Variants in CFAP221 observed in about 807,000 individuals in gnomAD.
CFAP221 encodes the protein cilia and flagella associated protein 221.
In CFAP221, 97 loss-of-function variants were observed where a neutral mutation model predicts 113.1. That is an observed-to-expected ratio of 0.86 (90% CI 0.73 to 1.02). The LOEUF is 1.02. Ranked by LOEUF, CFAP221 falls within the 50% of genes least tolerant of loss-of-function variation. The pLI, the probability that CFAP221 is intolerant of heterozygous loss-of-function variation, is 0.00. For missense variants in CFAP221, 1,025 were observed against 1,013.4 expected (o/e 1.01, Z -0.16); for synonymous variants, 331 against 354.4 (o/e 0.93, Z 0.74).
intron 21 of CFAP221, among the ~76,000 whole-genome samples, chr2:119,640,228 GAAA>G: frequency 6.7e-6 from 1 of 149,598 alleles, no homozygotes; most frequent in Admixed American, 6.6e-5. Context: ...AAAAAAAAAG[GAAA>G]AAAAATCATA....
chr2:119,553,410 C>A (rs1427570822), intron 3 of CFAP221, among the ~76,000 whole-genome samples: 1 of 152,032 alleles, frequency 6.6e-6, no homozygotes, highest in Non-Finnish European at 1.5e-5. Flanking sequence ...ACGTAAGGAA[C>A]GTGCATGTGA....
chr2:119,571,436 G>A (rs770700525), intron 6 of CFAP221, among the ~76,000 whole-genome samples: 8 of 146,716 alleles, frequency 5.5e-5, no homozygotes, highest in Non-Finnish European at 9.0e-5. Flanking sequence ...CACCACGCCC[G>A]GCCAACAACC....
chr2:119,577,830 A>G (rs1268947651), intron 6 of CFAP221, among the ~76,000 whole-genome samples: 2 of 152,232 alleles, frequency 1.3e-5, no homozygotes, highest in Admixed American at 1.3e-4. Context: ...TGAAGCAGGA[A>G]AGAGAATGTT....
intron 5 of CFAP221, among the ~76,000 whole-genome samples, chr2:119,560,714 CT>C (rs998628764): frequency 2.0e-5 from 3 of 152,124 alleles, no homozygotes; most frequent in African/African-American, 7.2e-5. Context: ...TGAGTTTCTA[CT>C]TTTTTTCTTT....
rs755105374 is a variant in CFAP221, at chr2:119,639,915, A to G, written c.2225+43A>G. The G allele has an allele frequency of 3.9e-5, 59 of 1,501,494 alleles. 1 individual carries two copies. The highest frequency in any genetic ancestry group is 3.2e-4 in the Admixed American group (19 of 59,510). The allele number at this position is 1,501,494 out of a possible 1,614,324, so 93.0% of individuals were successfully genotyped here. A position where few individuals can be genotyped will look rare whatever the true frequency, so the allele number is the denominator to read the frequency against. On this transcript the variant is annotated intron_variant, in intron 21 of 23. Coordinates refer to ENST00000413369, the MANE Select transcript of CFAP221 (RefSeq NM_001271049.2). ...GTTTGCTCACGAGTATGTGTGCCCCATGTATTACAGAGGCAATGATCCCCA... is the reference window on the plus strand; with the variant it reads ...GTTTGCTCACGAGTATGTGTGCCCCGTGTATTACAGAGGCAATGATCCCCA...
chr2:119,605,412 G>A, intron 11 of CFAP221, 123 bp downstream of exon 11: 1 of 754,226 alleles, frequency 1.3e-6, no homozygotes, highest in Non-Finnish European at 2.2e-6. Flanking sequence ...TTTAATGATT[G>A]TTTCACTGCC....
chr2:119,648,434 G>A (rs1221086309), intron 22 of CFAP221: 1 of 298,202 alleles, frequency 3.4e-6, no homozygotes, highest in African/African-American at 2.3e-5. Flanking sequence ...TGTCTTTGGG[G>A]GTATAAAGGA....
At chr2:119,646,927 A>C in intron 21 of CFAP221, 31 bp from the exon 22 acceptor site, 1 of 1,575,248 alleles carries the variant, frequency 6.3e-7, no homozygotes, top group Non-Finnish European at 8.7e-7. Context: ...GTGTGACTCT[A>C]TCTTTGACTG....
chr2:119,649,123 T>C (rs1447490475), intron 22 of CFAP221, among the ~76,000 whole-genome samples: 1 of 152,244 alleles, frequency 6.6e-6, no homozygotes, highest in Non-Finnish European at 1.5e-5. Flanking sequence ...TACATGGTCT[T>C]TGCTTTCTCA....
rs13024456 is a variant in CFAP221 at position 119,570,457 on chromosome 2, A to C, written c.527+8343A>C. 3.1e-3 allele frequency among the ~76,000 whole-genome samples: 479 copies of C among 152,342 alleles called. 4 individuals are homozygous for C. The highest frequency in any genetic ancestry group is 0.011 in the African/African-American group (444 of 41,572). ...TCACTCTTTTTTAGTATATGCAACT[A>C]TCACCACATGCAAGTTTAGAACATT... On this transcript the variant is annotated intron_variant, in intron 6 of 23. Coordinates refer to ENST00000413369, the MANE Select transcript of CFAP221 (RefSeq NM_001271049.2).
At chr2:119,550,134 G>A (rs1239851714) in intron 3 of CFAP221, among the ~76,000 whole-genome samples, 6 of 152,158 alleles carry the variant, frequency 3.9e-5, no homozygotes, top group South Asian at 2.1e-4. Context: ...TTGCACATGC[G>A]CCCTCTGAGA....
chr2:119,602,290 G>A (rs746078639), intron 8 of CFAP221, among the ~76,000 whole-genome samples: 2 of 152,056 alleles, frequency 1.3e-5, no homozygotes, highest in African/African-American at 4.8e-5. Flanking sequence ...AAGCAGAATC[G>A]CTTGAACCTG....
chr2:119,588,100 G>T (rs889356890), intron 7 of CFAP221, among the ~76,000 whole-genome samples: 3 of 152,172 alleles, frequency 2.0e-5, no homozygotes, highest in Non-Finnish European at 4.4e-5. Flanking sequence ...AAAATAAATG[G>T]TCACTAAAAT....
At chr2:119,574,272 T>G (rs1682276802) in intron 6 of CFAP221, among the ~76,000 whole-genome samples, 1 of 152,160 alleles carries the variant, frequency 6.6e-6, no homozygotes, top group African/African-American at 2.4e-5. Flanking sequence ...AGGTGGAACC[T>G]TTTTCTTGTT....
At chr2:119,597,506 C>T (rs1274199612) in intron 7 of CFAP221, among the ~76,000 whole-genome samples, 2 of 152,166 alleles carry the variant, frequency 1.3e-5, no homozygotes, top group Admixed American at 1.3e-4. Context: ...CCCAAAGTCA[C>T]CAAGCTAGAG....
intron 11 of CFAP221, among the ~76,000 whole-genome samples, chr2:119,606,933 CT>C (rs1684812107): frequency 6.6e-6 from 1 of 152,138 alleles, no homozygotes; most frequent in South Asian, 2.1e-4. Context: ...CCTTTTTCCC[CT>C]GAGCCATTTA....
At chr2:119,635,696 T>C (rs934603189) in intron 19 of CFAP221, among the ~76,000 whole-genome samples, 4 of 152,178 alleles carry the variant, frequency 2.6e-5, no homozygotes, top group African/African-American at 9.7e-5. Flanking sequence ...TATACATCAG[T>C]ACAGCAGTAA....
At chr2:119,573,245 C>G (rs993648678) in intron 6 of CFAP221, 1 of 152,162 alleles carries the variant, frequency 6.6e-6, no homozygotes, top group Non-Finnish European at 1.5e-5. Flanking sequence ...ATGCAGATGT[C>G]AGGAGAAGAC....
rs200074357 is a variant in CFAP221 at position 119,637,629 on chromosome 2, A to AAC, written c.1975-628_1975-627dup. ...TTTTTGTTTTACGAGCCTCTGAGAG[A>AAC]ACAGTAAAAGGCTCTATATTTTAGT... is the stretch of plus-strand genomic sequence containing the variant. On this transcript the variant is annotated intron_variant, in intron 19 of 23. Coordinates refer to ENST00000413369, the MANE Select transcript of CFAP221 (RefSeq NM_001271049.2). Among the ~76,000 whole-genome samples the AAC allele has an allele frequency of 7.4e-3, 1,126 of 152,258 alleles. 12 individuals are homozygous for AAC. Among genetic ancestry groups the AAC allele is most frequent in the African/African-American group, 0.026 (1,063 of 41,540 alleles).
Sources: gnomAD v4.1 joint callset for allele counts (sites outside exome capture counted in the v4.1 genomes callset) on GRCh38, gnomAD v4.1.1 for gene constraint, MANE v1.5 for transcripts, NCBI Gene and HGNC (gene_info 2026-07-23, HGNC 2026-07-21) for gene names.